TNFSF18: variants seen among roughly 807,000 people sequenced by gnomAD.
TNFSF18 encodes tumor necrosis factor ligand superfamily member 18.
In TNFSF18, 6 loss-of-function variants were observed where a neutral mutation model predicts 9.6. That is an observed-to-expected ratio of 0.63 (90% CI 0.34 to 1.24). TNFSF18 has a LOEUF of 1.24. TNFSF18 is among the 50% of genes most tolerant of loss of function. The pLI is 0.03. For synonymous variants in TNFSF18, 68 were observed against 71.7 expected, an observed-to-expected ratio of 0.95 and a Z score of 0.26; for missense variants, 210 against 201.0, an observed-to-expected ratio of 1.04 and a Z score of -0.27.
rs1664970388 is a variant in TNFSF18 at position 173,040,361 on chromosome 1, C to T, written c.*1006G>A. 2 of 152,090 alleles carry T rather than the reference C, an allele frequency of 1.3e-5. No homozygotes were observed. Among genetic ancestry groups the T allele is most frequent in the South Asian group, 4.1e-4 (2 of 4,830 alleles). 9.4% of individuals were successfully genotyped at this position (152,090 alleles called of 1,614,324 possible). ...TCTTATAACACGATAGCAGAAATAA[C>T]AATTCTAAAGCTGAGACAGTGCAAT... On this transcript the variant is annotated 3_prime_UTR_variant, in exon 3 of 3. Transcript: ENST00000404377.
intron 2 of TNFSF18, among the ~76,000 whole-genome samples, 174 bp downstream of exon 2, chr1:173,043,765 G>C (rs1000371534): frequency 1.3e-5 from 2 of 152,162 alleles, no homozygotes; most frequent in African/African-American, 4.8e-5. Context: ...CTTTTGCCTG[G>C]TTTACCTCTG....
intron 1 of TNFSF18, among the ~76,000 whole-genome samples, chr1:173,050,234 G>T (rs1665148127): frequency 6.6e-6 from 1 of 151,990 alleles, no homozygotes; most frequent in Non-Finnish European, 1.5e-5. Flanking sequence ...TATACAGCTG[G>T]TTATTAGGAG....
chr1:173,045,544 G>A (rs2101927348), intron 1 of TNFSF18, among the ~76,000 whole-genome samples: 1 of 152,212 alleles, frequency 6.6e-6, no homozygotes. Context: ...AAGGGTAAAT[G>A]GGACAAGAGA....
At chr1:173,047,893 T>A (rs1665108489) in intron 1 of TNFSF18, among the ~76,000 whole-genome samples, 1 of 152,010 alleles carries the variant, frequency 6.6e-6, no homozygotes, top group African/African-American at 2.4e-5. Context: ...ATTGAGAGAG[T>A]GATATAGGTA....
chr1:173,050,228 CA>C (rs753321956), intron 1 of TNFSF18, among the ~76,000 whole-genome samples: 1 of 152,110 alleles, frequency 6.6e-6, no homozygotes, highest in Non-Finnish European at 1.5e-5. Context: ...CAAATTTATA[CA>C]GCTGGTTATT....
At chr1:173,044,259 C>CT (rs1665037898) in intron 1 of TNFSF18, among the ~76,000 whole-genome samples, 2 of 151,512 alleles carry the variant, frequency 1.3e-5, no homozygotes, top group South Asian at 4.2e-4. Context: ...TATCGGACCC[C>CT]CCCCCCAACC....
intron 1 of TNFSF18, among the ~76,000 whole-genome samples, chr1:173,045,534 A>G (rs954919692): frequency 4.6e-5 from 7 of 152,128 alleles, no homozygotes; most frequent in African/African-American, 1.7e-4. Flanking sequence ...AAATAAATTT[A>G]AGGGTAAATG....
chr1:173,046,739 T>C (rs1665089936), intron 1 of TNFSF18, among the ~76,000 whole-genome samples: 1 of 152,136 alleles, frequency 6.6e-6, no homozygotes, highest in Non-Finnish European at 1.5e-5. Flanking sequence ...ATATTATTAG[T>C]ACTTGTATAT....
chr1:173,041,673 A>G lies in TNFSF18; in HGVS notation c.228T>C (p.Pro76=), dbSNP rs201871647. The G allele has an allele frequency of 1.2e-6, 2 of 1,609,592 alleles. No homozygotes were observed. The highest frequency in any genetic ancestry group is 3.4e-5 in the Admixed American group (2 of 59,334). ...PSKWQMASSE[P]PCVNKVSDWK... ...AGTCAGACACCTTATTCACGCAAGG[A>G]GGTTCAGAAGATGCCATTTGCCATT... The change falls in exon 3 of 3, where the codon CCT becomes CCC. Residue 76 remains proline, a synonymous_variant. Coordinates refer to ENST00000404377, the MANE Select transcript of TNFSF18 (RefSeq NM_005092.4).
chr1:173,044,264 C>CT (rs1665043310), intron 1 of TNFSF18, among the ~76,000 whole-genome samples: 3 of 151,738 alleles, frequency 2.0e-5, no homozygotes, highest in Admixed American at 1.3e-4. Context: ...GACCCCCCCC[C>CT]CAACCTTGGG....
chr1:173,046,264 AAGTG>A (rs1478341672), intron 1 of TNFSF18, among the ~76,000 whole-genome samples: 1 of 152,212 alleles, frequency 6.6e-6, no homozygotes, highest in Non-Finnish European at 1.5e-5. Flanking sequence ...AGAGAGAAGC[AAGTG>A]AGTGAGTTTA....
chr1:173,043,956 G>T lies in TNFSF18; in HGVS notation c.170C>A (p.Pro57His). 4 of 1,612,810 alleles carry T rather than the reference G, an allele frequency of 2.5e-6. No homozygotes were observed. Among genetic ancestry groups the T allele is most frequent in the Middle Eastern group, 3.3e-4 (2 of 6,058 alleles). Residue 57 changes from proline to histidine, a missense_variant, in exon 2 of 3, where the codon CCC becomes CAC. Physicochemically the swap from Pro to His is moderately conservative, Grantham distance 77. Coordinates refer to ENST00000404377, the MANE Select transcript of TNFSF18 (RefSeq NM_005092.4). ...TTACTCACCAAACTTAGCCATACAG[G>T]GCTCCTTAGCAGTCTGTTGGGGAAA... ...IFLQLETAKE[P>H]CMAKFGPLPS...
intron 1 of TNFSF18, among the ~76,000 whole-genome samples, chr1:173,047,711 C>T (rs956253589): frequency 6.6e-6 from 1 of 152,116 alleles, no homozygotes; most frequent in South Asian, 2.1e-4. Flanking sequence ...CTATAGACAA[C>T]CTAAGTCCAA....
chr1:173,048,247 A>G (rs1297261914), intron 1 of TNFSF18, among the ~76,000 whole-genome samples: 1 of 152,212 alleles, frequency 6.6e-6, no homozygotes, highest in African/African-American at 2.4e-5. Context: ...GTTTGGAAGT[A>G]GTAAATACCC....
chr1:173,050,313 A>G (rs953092384), intron 1 of TNFSF18, among the ~76,000 whole-genome samples: 3 of 152,048 alleles, frequency 2.0e-5, no homozygotes, highest in African/African-American at 7.2e-5. Context: ...AGACACACAA[A>G]CCACCTGTCA....
rs1275674732 is a variant in TNFSF18 at position 173,040,440 on chromosome 1, G to A, written c.*927C>T. 1.3e-5 allele frequency: 2 copies of A among 152,164 alleles called. No individual in the cohort carries two copies. Among genetic ancestry groups the A allele is most frequent in the Admixed American group, 6.6e-5 (1 of 15,260 alleles). The allele number at this position is 152,164 out of a possible 1,614,324, so 9.4% of individuals were successfully genotyped here. On this transcript the variant is annotated 3_prime_UTR_variant, in exon 3 of 3. Transcript: ENST00000404377. ...TCACTTGTCCTATGAGTTGAGGAAAGTTGGCTATGCTATGCTATCACATTC... is the reference window on the plus strand; with the variant it reads ...TCACTTGTCCTATGAGTTGAGGAAAATTGGCTATGCTATGCTATCACATTC...
chr1:173,040,719 G>A lies in TNFSF18; in HGVS notation c.*648C>T, dbSNP rs923577057. The A allele has an allele frequency of 2.6e-5, 4 of 152,082 alleles. No homozygotes were observed. Among genetic ancestry groups the A allele is most frequent in the East Asian group, 1.9e-4 (1 of 5,194 alleles). The allele number at this position is 152,082 out of a possible 1,614,324, so 9.4% of individuals were successfully genotyped here. On this transcript the variant is annotated 3_prime_UTR_variant, in exon 3 of 3. Transcript: ENST00000404377. ...CTCACAAAGCTCTACGTGAGGGTTC[G>A]GAATGACTCCTTTGATAAGGCTTTT...
At position 173,048,517 on chromosome 1, in the gene TNFSF18, G is replaced by A. The variant is rs529321163; in HGVS notation, c.156+2224C>T. ...ACTCTGCTGAACATTTGATTTCTTA[G>A]TGATAATTCCTGTGAGATTATTTTC... On this transcript the variant is annotated intron_variant, in intron 1 of 2. Coordinates refer to ENST00000404377, the MANE Select transcript of TNFSF18 (RefSeq NM_005092.4). 9.5e-4 allele frequency among the ~76,000 whole-genome samples: 144 copies of A among 152,182 alleles called. 1 individual carries two copies. Among genetic ancestry groups the A allele is most frequent in the Non-Finnish European group, 1.6e-3 (112 of 67,998 alleles).
chr1:173,043,135 T>G (rs926604757), intron 2 of TNFSF18, among the ~76,000 whole-genome samples: 1 of 152,136 alleles, frequency 6.6e-6, no homozygotes, highest in Non-Finnish European at 1.5e-5. Flanking sequence ...ACACATGCCA[T>G]GCATTCCATT....
Sources: allele counts gnomAD v4.1 joint callset (sites outside exome capture counted in the v4.1 genomes callset), GRCh38; gene constraint gnomAD v4.1.1; transcripts MANE v1.5; gene names NCBI Gene and HGNC (gene_info 2026-07-23, HGNC 2026-07-21).